MAD2L1BP: variants seen among roughly 807,000 people sequenced by gnomAD.
MAD2L1BP encodes MAD2L1-binding protein.
A neutral mutation model predicts 28.4 loss-of-function variants in MAD2L1BP; 22 were observed. The observed-to-expected ratio is 0.77, with a 90% CI of 0.55 to 1.10. The LOEUF is 1.10. Among genes scored for constraint, MAD2L1BP ranks in the 50% least tolerant of loss-of-function variants. The probability of loss-of-function intolerance (pLI) is 0.00; values close to 1 mark genes in which losing one functional copy is unlikely to be tolerated. For missense variants in MAD2L1BP, 325 were observed against 350.5 expected (o/e 0.93, Z 0.58); for synonymous variants, 146 against 133.7 (o/e 1.09, Z -0.63).
rs551882888 is a variant in MAD2L1BP, at chr6:43,640,068, C to T, written c.360C>T (p.Ser120=). ...AACCTCGGGCCACCACTGAGGTGAG[C>T]AGCAGGAAATGCCAACAAGCCCTGG... ...KKKPRATTEV[S]SRKCQQALAE... The change falls in exon 3 of 3, where the codon AGC becomes AGT. Residue 120 remains serine (S), a synonymous_variant. Coordinates refer to ENST00000372171, the MANE Select transcript of MAD2L1BP (RefSeq NM_014628.3). The T allele has an allele frequency of 1.9e-6, 3 of 1,574,916 alleles. No homozygotes were observed. Among genetic ancestry groups the T allele is most frequent in the Admixed American group, 3.5e-5 (2 of 56,972 alleles).
chr6:43,637,085 ACAGAGTCTCTCT>A (rs1770269972), intron 2 of MAD2L1BP, among the ~76,000 whole-genome samples: 1 of 150,984 alleles, frequency 6.6e-6, no homozygotes, highest in South Asian at 2.1e-4. Flanking sequence ...ATGTTTTGAG[ACAGAGTCTCTCT>A]CTTGTTGCCC....
chr6:43,635,731 C>T (rs3757271), upstream of MAD2L1BP: 27,428 of 743,502 alleles, frequency 0.037, 755 homozygotes, highest in African/African-American at 0.096. Context: ...GGTTCAAATC[C>T]CAGCTCCACT....
chr6:43,635,669 G>C, upstream of MAD2L1BP: 1 of 526,410 alleles, frequency 1.9e-6, no homozygotes, highest in Admixed American at 4.2e-5. Context: ...TGGGTTCCCT[G>C]CTGGGCAAGG....
upstream of MAD2L1BP, chr6:43,633,153 C>T (rs1770021844): frequency 4.7e-6 from 2 of 426,348 alleles, no homozygotes; most frequent in Non-Finnish European, 9.3e-6. Context: ...CAGTCAGACC[C>T]AGTATTTTAA....
chr6:43,640,315 C>A lies in MAD2L1BP; in HGVS notation c.607C>A (p.Leu203Ile). The A allele has an allele frequency of 6.2e-7, 1 of 1,613,508 alleles. No homozygotes were observed. ...ATTCATGGCTGATGCCTTTAGCGAG[C>A]TTCAGGCTCCTCCACTCATGGGCAC... The part of the protein sequence containing the change: ...AIFMADAFSE[L>I]QAPPLMGTVV... Residue 203 changes from leucine to isoleucine, a missense_variant, in exon 3 of 3, where the codon CTT (leucine) becomes ATT (isoleucine). Physicochemically the swap from Leu to Ile is conservative, Grantham distance 5. Transcript: ENST00000372171.
At chr6:43,634,838 C>T (rs539558312), upstream of MAD2L1BP, among the ~76,000 whole-genome samples, 8 of 152,278 alleles carry the variant, frequency 5.3e-5, no homozygotes, top group African/African-American at 9.6e-5. Flanking sequence ...GGATTACAGG[C>T]GTGAGCCACC....
At position 43,640,381 on chromosome 6, in the gene MAD2L1BP, T is replaced by A; in HGVS notation, c.673T>A (p.Trp225Arg). ...GGGACACCGCAACTGTGGAGAAGAT[T>A]GGTTTCGACCCAAGCTCAACTATCG... ...AQGHRNCGED[W>R]FRPKLNYRVP... The change falls in exon 3 of 3, where the codon TGG (tryptophan) becomes AGG (arginine). Residue 225 changes from tryptophan to arginine, a missense_variant. Transcript: ENST00000372171. 1 of 1,613,962 alleles carries A rather than the reference T, an allele frequency of 6.2e-7. No individual in the cohort carries two copies. The highest frequency in any genetic ancestry group is 8.5e-7 in the Non-Finnish European group (1 of 1,180,002).
chr6:43,633,577 T>C (rs1026606640), upstream of MAD2L1BP, among the ~76,000 whole-genome samples: 1 of 152,130 alleles, frequency 6.6e-6, no homozygotes, highest in African/African-American at 2.4e-5. Context: ...ATTTATTTAT[T>C]TATTTATTGG....
At chr6:43,637,841 C>T (rs978632843) in intron 2 of MAD2L1BP, among the ~76,000 whole-genome samples, 4 of 152,066 alleles carry the variant, frequency 2.6e-5, no homozygotes, top group Admixed American at 2.0e-4. Context: ...TCAGGTGATC[C>T]GCCTGCCTCA....
chr6:43,637,457 G>A lies in MAD2L1BP; in HGVS notation c.312+811G>A, dbSNP rs113477757. Among the ~76,000 whole-genome samples, 460 of 131,182 alleles carry A rather than the reference G, an allele frequency of 3.5e-3. 3 individuals are homozygous for A. The highest frequency in any genetic ancestry group is 0.013 in the African/African-American group (432 of 34,242). The allele number at this position is 131,182 out of a possible 152,430, so 86.1% of individuals were successfully genotyped here. ...TTTTTTTTTTTTGAGACAGAGTCTC[G>A]CCTTGTCACCCAGGCTGGAGGACAG... On this transcript the variant is annotated intron_variant, in intron 2 of 2. Transcript: ENST00000372171.
At chr6:43,630,113 C>T (rs548839096) in intron 1 of MAD2L1BP, among the ~76,000 whole-genome samples, 1 of 152,194 alleles carries the variant, frequency 6.6e-6, no homozygotes, top group Admixed American at 6.5e-5. Flanking sequence ...GGCTAGGGCT[C>T]GGGTTACACC....
chr6:43,635,825 C>T, upstream of MAD2L1BP: 3 of 1,434,108 alleles, frequency 2.1e-6, no homozygotes, highest in Non-Finnish European at 2.7e-6. Context: ...TCCCATGATG[C>T]CCCGCGAGAC....
Position 43,636,449 on chromosome 6 carries a change from A to G in MAD2L1BP, c.115A>G (p.Thr39Ala), listed in dbSNP as rs749611708. ...GATAGAACTACTTGAGACAAGCTCT[A>G]CGCAGGAACCTCTCAACGCTTCGGA... ...SQIELLETSS[T>A]QEPLNASEAF... Residue 39 changes from threonine (T) to alanine (A), a missense_variant, in exon 2 of 3, where the codon ACG becomes GCG. By Grantham distance (58) the Thr-to-Ala change is moderately conservative. Coordinates refer to ENST00000372171, the MANE Select transcript of MAD2L1BP (RefSeq NM_014628.3). 8 of 1,614,072 alleles carry G rather than the reference A, an allele frequency of 5.0e-6. No individual in the cohort carries two copies. In the African/African-American group the frequency reaches 6.7e-5, roughly 13 times the overall value.
chr6:43,632,258 C>CTTTTTTT (rs1197422575), upstream of MAD2L1BP, among the ~76,000 whole-genome samples: 2 of 108,868 alleles, frequency 1.8e-5, no homozygotes, highest in Admixed American at 9.5e-5. Context: ...GATTGATTGA[C>CTTTTTTT]TTTTTTTTTT....
chr6:43,640,344 C>T lies in MAD2L1BP; in HGVS notation c.636C>T (p.Val212=), dbSNP rs34708775. ...ELQAPPLMGT[V]VMAQGHRNCG... The stretch of plus-strand genomic sequence containing the variant: ...AGGCTCCTCCACTCATGGGCACCGT[C>T]GTCATGGCACAGGGACACCGCAACT... The change falls in exon 3 of 3, where the codon GTC becomes GTT. Residue 212 remains valine (V), a synonymous_variant. Transcript: ENST00000372171. 6.5e-4 allele frequency: 1,042 copies of T among 1,613,844 alleles called. 6 individuals carry two copies. The African/African-American group carries it at 0.011, about 18-fold the overall frequency.
At chr6:43,630,226 T>A (rs566916319) in intron 1 of MAD2L1BP, among the ~76,000 whole-genome samples, 1 of 152,174 alleles carries the variant, frequency 6.6e-6, no homozygotes, top group African/African-American at 2.4e-5. Flanking sequence ...TCCAGCTCTT[T>A]AGTGCTGTTG....
chr6:43,633,470 C>G (rs1042800487), upstream of MAD2L1BP, among the ~76,000 whole-genome samples: 2 of 152,110 alleles, frequency 1.3e-5, no homozygotes. Flanking sequence ...CTGTGCCTGG[C>G]CTCTAATTGC....
Position 43,640,070 on chromosome 6 carries a change from G to A in MAD2L1BP, c.362G>A (p.Ser121Asn). The A allele has an allele frequency of 1.3e-6, 2 of 1,577,050 alleles. No individual in the cohort carries two copies. The highest frequency in any genetic ancestry group is 1.7e-6 in the Non-Finnish European group (2 of 1,157,348). ...CCTCGGGCCACCACTGAGGTGAGCA[G>A]CAGGAAATGCCAACAAGCCCTGGCA... is the stretch of plus-strand genomic sequence containing the variant. ...KKPRATTEVS[S>N]RKCQQALAEL... The change falls in exon 3 of 3, where the codon AGC becomes AAC. Residue 121 changes from serine to asparagine, a missense_variant. Ser to Asn is a conservative substitution (Grantham distance 46, BLOSUM62 1). Transcript: ENST00000372171.
chr6:43,632,662 C>CTT (rs775956301), upstream of MAD2L1BP, among the ~76,000 whole-genome samples: 103 of 107,352 alleles, frequency 9.6e-4, 1 homozygote, highest in Non-Finnish European at 1.5e-3. Context: ...TGACACTTGT[C>CTT]TTTTTTTTTT....
Sources: allele counts gnomAD v4.1 joint callset (sites outside exome capture counted in the v4.1 genomes callset), GRCh38; gene constraint gnomAD v4.1.1; transcripts MANE v1.5; gene names NCBI Gene and HGNC (gene_info 2026-07-23, HGNC 2026-07-21).